The following BCL2L1 variants were observed in gnomAD, a reference collection of about 807,000 sequenced individuals.
BCL2L1 encodes bcl-2-like protein 1.
Under a neutral mutation model 18.7 loss-of-function variants are expected in BCL2L1, and 1 was observed. The observed-to-expected ratio is 0.05, with a 90% CI of 0.02 to 0.25. The LOEUF (loss-of-function observed/expected upper bound fraction) is 0.25. Ranked by LOEUF, BCL2L1 falls within the 10% of genes least tolerant of loss-of-function variation. The pLI, the probability that BCL2L1 is intolerant of heterozygous loss-of-function variation, is 1.00. For synonymous variants in BCL2L1, 103 were observed against 122.7 expected (o/e 0.84, Z 1.06); for missense variants, 207 against 304.9 (o/e 0.68, Z 2.39).
At chr20:31,714,152 A>T (rs770581041) in intron 2 of BCL2L1, among the ~76,000 whole-genome samples, 16 of 152,228 alleles carry the variant, frequency 1.1e-4, no homozygotes, top group Non-Finnish European at 1.6e-4. Context: ...TTAAAATATA[A>T]CTAATGTGAA....
At chr20:31,713,013 T>C (rs1204030087) in intron 2 of BCL2L1, among the ~76,000 whole-genome samples, 3 of 152,178 alleles carry the variant, frequency 2.0e-5, no homozygotes, top group African/African-American at 7.2e-5. Flanking sequence ...AGGATTTATA[T>C]GTGCCAAACC....
upstream of BCL2L1, chr20:31,723,776 T>G (rs1029851464): frequency 3.0e-6 from 3 of 985,326 alleles, no homozygotes; most frequent in African/African-American, 5.2e-5. Flanking sequence ...TCCCCCTTCA[T>G]CGGCCCGGTA....
chr20:31,704,104 CTTT>C lies in BCL2L1; in HGVS notation c.564+17548_564+17550del, dbSNP rs59803981. Among the ~76,000 whole-genome samples the C allele has an allele frequency of 1.1e-4, 12 of 114,214 alleles. 1 individual carries two copies. Among genetic ancestry groups the C allele is most frequent in the East Asian group, 7.8e-4 (3 of 3,856 alleles). 74.9% of individuals were successfully genotyped at this position (114,214 alleles called of 152,430 possible). Reference sequence around the variant, plus strand: ...TGAGCCACTGCACCCGGCCCTAAACCTTTTTTTTTTTTTTTTTGAGACGGAGTC... The same window carrying C: ...TGAGCCACTGCACCCGGCCCTAAACCTTTTTTTTTTTTTTGAGACGGAGTC... On this transcript the variant is annotated intron_variant, in intron 2 of 2. Coordinates refer to ENST00000307677, the MANE Select transcript of BCL2L1 (RefSeq NM_138578.3).
intron 2 of BCL2L1, among the ~76,000 whole-genome samples, chr20:31,695,360 T>C (rs546833678): frequency 1.3e-5 from 2 of 152,396 alleles, no homozygotes; most frequent in African/African-American, 2.4e-5. Flanking sequence ...ACCTGGCCCC[T>C]GGTGACGTCT....
At chr20:31,704,392 G>A (rs1285364882) in intron 2 of BCL2L1, among the ~76,000 whole-genome samples, 4 of 152,116 alleles carry the variant, frequency 2.6e-5, no homozygotes, top group Admixed American at 2.6e-4. Context: ...GAGCCACCGC[G>A]CCCAGCCTGA....
chr20:31,707,548 G>A (rs1309585425), intron 2 of BCL2L1, among the ~76,000 whole-genome samples: 2 of 152,140 alleles, frequency 1.3e-5, no homozygotes, highest in East Asian at 1.9e-4. Context: ...GGAGGCTGAG[G>A]CGGACAGATC....
intron 2 of BCL2L1, among the ~76,000 whole-genome samples, chr20:31,699,112 CT>C (rs1480528728): frequency 6.6e-6 from 1 of 152,202 alleles, no homozygotes; most frequent in African/African-American, 2.4e-5. Flanking sequence ...CCTGTGAATC[CT>C]CCTGCCTCTC....
At chr20:31,719,105 AAT>A (rs774007970) in intron 2 of BCL2L1, among the ~76,000 whole-genome samples, 18 of 152,308 alleles carry the variant, frequency 1.2e-4, no homozygotes, top group Non-Finnish European at 1.2e-4. Flanking sequence ...GTTACTGTAG[AAT>A]ATATGAAACA....
intron 2 of BCL2L1, among the ~76,000 whole-genome samples, chr20:31,702,939 T>A (rs1311278729): frequency 7.4e-6 from 1 of 135,902 alleles, no homozygotes; most frequent in Non-Finnish European, 1.6e-5. Flanking sequence ...AGGGCAAGAC[T>A]CCATCTCAAA....
At chr20:31,711,965 C>T (rs1158705291) in intron 2 of BCL2L1, among the ~76,000 whole-genome samples, 2 of 152,098 alleles carry the variant, frequency 1.3e-5, no homozygotes, top group African/African-American at 4.8e-5. Context: ...TTTCTCTGAG[C>T]CTCAATTTTC....
At chr20:31,687,356 C>T (rs944105194) in intron 2 of BCL2L1, among the ~76,000 whole-genome samples, 1 of 151,476 alleles carries the variant, frequency 6.6e-6, no homozygotes, top group Non-Finnish European at 1.5e-5. Context: ...AAGCTCTGAA[C>T]GGAGAAAATT....
In BCL2L1 at chr20:31,673,023, GACTTTGAGC is replaced by G. The variant is rs528715224; in HGVS notation, c.565-6946_565-6938del. On this transcript the variant is annotated intron_variant, in intron 2 of 2. Transcript: ENST00000307677. ...CCTTCCCACTTCTTCCAAGTAGTGT[GACTTTGAGC>G]AGGTTACTTCACCTCTCTGGTCCAT... 5.4e-3 allele frequency among the ~76,000 whole-genome samples: 814 copies of G among 149,452 alleles called. 8 individuals carry two copies. The highest frequency in any genetic ancestry group is 0.03 in the South Asian group (143 of 4,712).
At chr20:31,673,017 T>C (rs2060695203) in intron 2 of BCL2L1, among the ~76,000 whole-genome samples, 1 of 151,416 alleles carries the variant, frequency 6.6e-6, no homozygotes, top group African/African-American at 2.4e-5. Flanking sequence ...TTCTTCCAAG[T>C]AGTGTGACTT....
In BCL2L1 at chr20:31,721,954, C is replaced by A; in HGVS notation, c.265G>T (p.Ala89Ser). The A allele has an allele frequency of 8.1e-6, 13 of 1,614,202 alleles. No homozygotes were observed. Among genetic ancestry groups the A allele is most frequent in the Non-Finnish European group, 1.1e-5 (13 of 1,180,030 alleles). The change falls in exon 2 of 3, where the codon GCG (alanine) becomes TCG (serine). Residue 89 changes from alanine (A) to serine (S), a missense_variant. Physicochemically the swap from Ala to Ser is moderately conservative, Grantham distance 99. Coordinates refer to ENST00000307677, the MANE Select transcript of BCL2L1 (RefSeq NM_138578.3). ...AACTCGTCGCCTGCCTCCCTCAGCG[C>A]TTGCTTTACTGCTGCCATGGGGATC... ...EVIPMAAVKQ[A>S]LREAGDEFEL... is the part of the protein sequence containing the mutation.
At chr20:31,711,645 A>G (rs1197400214) in intron 2 of BCL2L1, among the ~76,000 whole-genome samples, 1 of 152,214 alleles carries the variant, frequency 6.6e-6, no homozygotes, top group Non-Finnish European at 1.5e-5. Flanking sequence ...TCCAAGCCAC[A>G]CATCCAGCTT....
Position 31,669,538 on chromosome 20 carries a change from C to T in BCL2L1, c.565-3452G>A, listed in dbSNP as rs1359181596. Among the ~76,000 whole-genome samples, 4 of 151,260 alleles carry T rather than the reference C, an allele frequency of 2.6e-5. No homozygotes were observed. In the Admixed American group the frequency reaches 2.6e-4, roughly 10 times the overall value. On this transcript the variant is annotated intron_variant, in intron 2 of 2. Transcript: ENST00000307677. Reference sequence around the variant, plus strand: ...TGCAATCTTGGCTCACTGCAACCTCCGCCTCCCGGGTTCAAGCCATTCTCC... The same window carrying T: ...TGCAATCTTGGCTCACTGCAACCTCTGCCTCCCGGGTTCAAGCCATTCTCC...
At chr20:31,666,494 G>A (rs1052161905) in intron 2 of BCL2L1, among the ~76,000 whole-genome samples, 8 of 152,254 alleles carry the variant, frequency 5.3e-5, no homozygotes, top group Admixed American at 2.0e-4. Context: ...CCTGGAAGCC[G>A]CAAGGAGCCT....
rs192517780 is a variant in BCL2L1, at chr20:31,710,010, T to C, written c.564+11645A>G. ...CACAGCCTGCTCTTGTTACATTCTT[T>C]TCACCTATTTAAACCCATCATGGTC... On this transcript the variant is annotated intron_variant, in intron 2 of 2. Transcript: ENST00000307677. Among the ~76,000 whole-genome samples, 4 of 152,234 alleles carry C rather than the reference T, an allele frequency of 2.6e-5. No individual in the cohort carries two copies. The East Asian group carries it at 7.7e-4, about 29-fold the overall frequency.
intron 2 of BCL2L1, 119 bp from the exon 3 acceptor site, chr20:31,666,205 G>T: frequency 7.6e-7 from 1 of 1,316,460 alleles, no homozygotes; most frequent in Non-Finnish European, 1.1e-6. Flanking sequence ...AGCCATCTGT[G>T]CCCACTCTGG....
Sources: allele counts gnomAD v4.1 joint callset (sites outside exome capture counted in the v4.1 genomes callset), GRCh38; gene constraint gnomAD v4.1.1; transcripts MANE v1.5; gene names NCBI Gene and HGNC (gene_info 2026-07-23, HGNC 2026-07-21).